Variants in HDGFL3 observed in about 807,000 individuals in gnomAD.
HDGFL3 encodes hepatoma-derived growth factor-related protein 3.
Under a neutral mutation model 27.6 loss-of-function variants are expected in HDGFL3, and 6 were observed. The observed-to-expected ratio is 0.22, with a 90% CI of 0.12 to 0.43. The LOEUF is 0.43. Among genes scored for constraint, HDGFL3 ranks in the 20% least tolerant of loss-of-function variants. HDGFL3 has a pLI of 1.00. For synonymous variants in HDGFL3, 88 were observed against 88.9 expected (o/e 0.99, Z 0.05); for missense variants, 207 against 250.1 (o/e 0.83, Z 1.16).
chr15:83,184,416 T>A (rs576002840), intron 1 of HDGFL3, among the ~76,000 whole-genome samples: 1 of 152,246 alleles, frequency 6.6e-6, no homozygotes, highest in Non-Finnish European at 1.5e-5. Flanking sequence ...TCTCTCTTCA[T>A]GTTTATCTTT....
chr15:83,170,050 A>T (rs148326405), intron 1 of HDGFL3, among the ~76,000 whole-genome samples: 1 of 152,354 alleles, frequency 6.6e-6, no homozygotes, highest in East Asian at 1.9e-4. Context: ...AACTACAAAC[A>T]CTGCTAAAAG....
chr15:83,171,018 G>A (rs145689722), intron 1 of HDGFL3, among the ~76,000 whole-genome samples: 1 of 151,956 alleles, frequency 6.6e-6, no homozygotes, highest in Admixed American at 6.6e-5. Flanking sequence ...AAACCACAAT[G>A]AGATACTATC....
chr15:83,200,853 A>AT (rs991525600), intron 1 of HDGFL3, among the ~76,000 whole-genome samples: 1 of 104,992 alleles, frequency 9.5e-6, no homozygotes, highest in Non-Finnish European at 2.0e-5. Context: ...AGATTACTTT[A>AT]TTCTTTTTTT....
intron 1 of HDGFL3, among the ~76,000 whole-genome samples, chr15:83,171,441 C>T (rs2037245413): frequency 6.6e-6 from 1 of 152,106 alleles, no homozygotes. Context: ...GATACCTGCT[C>T]CCTCATGTTC....
intron 1 of HDGFL3, among the ~76,000 whole-genome samples, chr15:83,177,121 G>A (rs1446170438): frequency 6.6e-6 from 1 of 152,140 alleles, no homozygotes; most frequent in East Asian, 1.9e-4. Context: ...ATTTCACCAT[G>A]TTGGCCAGGC....
intron 5 of HDGFL3, among the ~76,000 whole-genome samples, chr15:83,143,539 G>A (rs1016777042): frequency 3.3e-5 from 5 of 152,154 alleles, no homozygotes; most frequent in Non-Finnish European, 7.3e-5. Context: ...CTAAGATCGT[G>A]CCACTGCACT....
intron 1 of HDGFL3, among the ~76,000 whole-genome samples, chr15:83,203,397 G>A (rs1417740404): frequency 3.3e-5 from 5 of 152,020 alleles, no homozygotes; most frequent in African/African-American, 1.2e-4. Flanking sequence ...TTCACGTTGA[G>A]TATACTGTGA....
At chr15:83,151,090 A>G in intron 5 of HDGFL3, 125 bp downstream of exon 5, 2 of 875,288 alleles carry the variant, frequency 2.3e-6, no homozygotes, top group East Asian at 2.5e-5. Flanking sequence ...GTGGATGCAT[A>G]TAATAGGCTG....
In HDGFL3 at chr15:83,137,135, TA is replaced by T. The variant is rs2036660682; in HGVS notation, c.*2134del. 6.6e-6 allele frequency: 1 copy of T among 152,246 alleles called. No individual in the cohort carries two copies. The highest frequency in any genetic ancestry group is 1.5e-5 in the Non-Finnish European group (1 of 68,048). The allele number at this position is 152,246 out of a possible 1,614,324, so 9.4% of individuals were successfully genotyped here. On this transcript the variant is annotated 3_prime_UTR_variant, in exon 6 of 6. Coordinates refer to ENST00000299633, the MANE Select transcript of HDGFL3 (RefSeq NM_016073.4). ...CAATATAAAAGGCAAATCATCAGAA[TA>T]TTTTTAAATGTTGTTTGAAAAATGT...
At chr15:83,186,205 T>TCC (rs2037440190) in intron 1 of HDGFL3, 1 of 152,214 alleles carries the variant, frequency 6.6e-6, no homozygotes, top group Non-Finnish European at 1.5e-5. Flanking sequence ...TAAATGTGTA[T>TCC]TGTTTTAAGC....
At chr15:83,143,277 G>GT (rs2151394278) in intron 5 of HDGFL3, among the ~76,000 whole-genome samples, 1 of 152,252 alleles carries the variant, frequency 6.6e-6, no homozygotes, top group East Asian at 1.9e-4. Context: ...CTCCCAAAGT[G>GT]TTGAGATTAC....
chr15:83,202,553 G>GA (rs548449502), intron 1 of HDGFL3, among the ~76,000 whole-genome samples: 3 of 151,100 alleles, frequency 2.0e-5, no homozygotes, highest in Non-Finnish European at 4.4e-5. Flanking sequence ...GGACTCGAAG[G>GA]AAAAAAAACA....
downstream of HDGFL3, chr15:83,124,812 A>G: frequency 1.3e-6 from 2 of 1,482,746 alleles, no homozygotes; most frequent in Non-Finnish European, 1.9e-6. Context: ...TAACATTGTG[A>G]TACTACTCAC....
chr15:83,152,651 C>A (rs930912321), intron 4 of HDGFL3, among the ~76,000 whole-genome samples: 1 of 137,512 alleles, frequency 7.3e-6, no homozygotes, highest in Non-Finnish European at 1.5e-5. Context: ...CAGTGACACT[C>A]AAGCCTGGGT....
chr15:83,204,158 G>A (rs2037686614), intron 1 of HDGFL3, among the ~76,000 whole-genome samples: 1 of 151,270 alleles, frequency 6.6e-6, no homozygotes, highest in African/African-American at 2.4e-5. Flanking sequence ...TACCTTGGTA[G>A]GTATTATGTC....
chr15:83,167,742 C>G (rs540514116), intron 1 of HDGFL3, among the ~76,000 whole-genome samples: 1 of 151,990 alleles, frequency 6.6e-6, no homozygotes, highest in Non-Finnish European at 1.5e-5. Context: ...CTTCAACATC[C>G]CACTGACAGC....
chr15:83,120,972 C>A (rs2035183205), intron 3 of HDGFL3, among the ~76,000 whole-genome samples: 1 of 152,068 alleles, frequency 6.6e-6, no homozygotes, highest in Non-Finnish European at 1.5e-5. Flanking sequence ...GCAGGACGCA[C>A]ACAGTATTCT....
intron 1 of HDGFL3, among the ~76,000 whole-genome samples, chr15:83,183,982 T>A (rs1297611164): frequency 1.3e-5 from 2 of 152,178 alleles, no homozygotes; most frequent in Non-Finnish European, 2.9e-5. Context: ...GGGAAAAGAA[T>A]TCACTGCTTT....
chr15:83,138,022 AAAAG>A lies in HDGFL3; in HGVS notation c.*1244_*1247del, dbSNP rs917239877. On this transcript the variant is annotated 3_prime_UTR_variant, in exon 6 of 6. Coordinates refer to ENST00000299633, the MANE Select transcript of HDGFL3 (RefSeq NM_016073.4). ...GTGTTTAAAAAAAAAAAAAGAAAGA[AAAAG>A]AAAAACCCTCACCTGCACTTGATTC... 1.3e-5 allele frequency: 2 copies of A among 152,324 alleles called. No homozygotes were observed. The highest frequency in any genetic ancestry group is 2.9e-5 in the Non-Finnish European group (2 of 67,932). The allele number at this position is 152,324 out of a possible 1,614,324, so 9.4% of individuals were successfully genotyped here.
Sources: allele counts gnomAD v4.1 joint callset (sites outside exome capture counted in the v4.1 genomes callset), GRCh38; gene constraint gnomAD v4.1.1; transcripts MANE v1.5; gene names NCBI Gene and HGNC (gene_info 2026-07-23, HGNC 2026-07-21).